The following TCF7L1 variants were observed in gnomAD, a reference collection of about 807,000 sequenced individuals.
The protein encoded by TCF7L1 is transcription factor 7-like 1.
In TCF7L1, 18 loss-of-function variants were observed where a neutral mutation model predicts 63.7. That is an observed-to-expected ratio of 0.28 (90% CI 0.20 to 0.42). The LOEUF (loss-of-function observed/expected upper bound fraction) is 0.42, where lower values mean the gene tolerates loss of function less well. Among genes scored for constraint, TCF7L1 ranks in the 10% least tolerant of loss-of-function variants. The pLI, the probability that TCF7L1 is intolerant of heterozygous loss-of-function variation, is 1.00. For synonymous variants in TCF7L1, 355 were observed against 340.9 expected (o/e 1.04, Z -0.46); for missense variants, 654 against 779.3 (o/e 0.84, Z 1.91).
chr2:85,145,708 A>C (rs1483733283), intron 3 of TCF7L1, among the ~76,000 whole-genome samples: 1 of 152,246 alleles, frequency 6.6e-6, no homozygotes, highest in Non-Finnish European at 1.5e-5. Flanking sequence ...GACCTGCCCA[A>C]GGGCAAACAA....
intron 3 of TCF7L1, among the ~76,000 whole-genome samples, chr2:85,221,975 C>T (rs989198983): frequency 2.0e-5 from 3 of 150,000 alleles, no homozygotes; most frequent in African/African-American, 7.4e-5. Flanking sequence ...GTTTCCTCCA[C>T]GAATAATACA....
chr2:85,261,617 C>T (rs1009959031), intron 3 of TCF7L1, among the ~76,000 whole-genome samples: 1 of 152,158 alleles, frequency 6.6e-6, no homozygotes, highest in Non-Finnish European at 1.5e-5. Flanking sequence ...AGAAGCCAAG[C>T]GTGGTGGCTC....
At chr2:85,294,397 A>G (rs1247702948) in intron 4 of TCF7L1, among the ~76,000 whole-genome samples, 1 of 152,132 alleles carries the variant, frequency 6.6e-6, no homozygotes, top group Non-Finnish European at 1.5e-5. Context: ...CACACTTTGC[A>G]GAGTTTGATT....
At chr2:85,188,186 A>G (rs1678968632) in intron 3 of TCF7L1, among the ~76,000 whole-genome samples, 1 of 152,194 alleles carries the variant, frequency 6.6e-6, no homozygotes, top group African/African-American at 2.4e-5. Context: ...ATCTGGTGGT[A>G]ATGGTACAGT....
intron 3 of TCF7L1, among the ~76,000 whole-genome samples, chr2:85,260,042 T>C (rs550103813): frequency 1.3e-5 from 2 of 152,278 alleles, no homozygotes; most frequent in South Asian, 4.1e-4. Flanking sequence ...TGCAGGCTTA[T>C]CTCCTTTCTC....
intron 3 of TCF7L1, among the ~76,000 whole-genome samples, chr2:85,153,340 AT>A (rs66697146): frequency 0.013 from 1,297 of 102,264 alleles, 58 homozygotes; most frequent in African/African-American, 0.048. Flanking sequence ...GCCTTTATAA[AT>A]TTTTTTTTTT....
chr2:85,301,266 C>T (rs912106227), intron 4 of TCF7L1, among the ~76,000 whole-genome samples: 1 of 152,086 alleles, frequency 6.6e-6, no homozygotes, highest in Non-Finnish European at 1.5e-5. Flanking sequence ...GATATGAATC[C>T]CAGCTCTGCC....
chr2:85,240,627 A>G (rs1206375139), intron 3 of TCF7L1, among the ~76,000 whole-genome samples: 1 of 151,720 alleles, frequency 6.6e-6, no homozygotes, highest in African/African-American at 2.4e-5. Context: ...CAAAAAAAAA[A>G]AAAAAATTAG....
At chr2:85,181,025 A>C (rs775925098) in intron 3 of TCF7L1, among the ~76,000 whole-genome samples, 2 of 152,198 alleles carry the variant, frequency 1.3e-5, no homozygotes, top group African/African-American at 2.4e-5. Context: ...TCTCCTCTGC[A>C]GTTCCTGAAG....
intron 3 of TCF7L1, among the ~76,000 whole-genome samples, chr2:85,189,759 G>T (rs1412227714): frequency 6.6e-6 from 1 of 152,222 alleles, no homozygotes; most frequent in Non-Finnish European, 1.5e-5. Context: ...CCCATTCAGG[G>T]GCATTCATGC....
At chr2:85,256,959 G>A (rs182044763) in intron 3 of TCF7L1, among the ~76,000 whole-genome samples, 48 of 151,212 alleles carry the variant, frequency 3.2e-4, no homozygotes, top group African/African-American at 1.0e-3. Flanking sequence ...CTCCAGCCTG[G>A]GTGACAGAGT....
chr2:85,203,146 A>G (rs926815191), intron 3 of TCF7L1, among the ~76,000 whole-genome samples: 1 of 151,798 alleles, frequency 6.6e-6, no homozygotes, highest in African/African-American at 2.4e-5. Context: ...GTACCTCCTA[A>G]CTCTTATGAA....
intron 3 of TCF7L1, among the ~76,000 whole-genome samples, chr2:85,202,897 C>T (rs1394631683): frequency 6.6e-6 from 1 of 152,010 alleles, no homozygotes; most frequent in African/African-American, 2.4e-5. Context: ...GCAGTGGTGC[C>T]ATCTAGGCTC....
chr2:85,277,029 C>T (rs934667038), intron 3 of TCF7L1, among the ~76,000 whole-genome samples: 4 of 151,932 alleles, frequency 2.6e-5, no homozygotes, highest in Non-Finnish European at 4.4e-5. Flanking sequence ...CAGCATGGTG[C>T]GTTCAGAGTG....
intron 3 of TCF7L1, among the ~76,000 whole-genome samples, chr2:85,170,979 G>C (rs1163143315): frequency 2.0e-5 from 3 of 152,182 alleles, no homozygotes; most frequent in African/African-American, 7.2e-5. Flanking sequence ...TAGACTTTGG[G>C]AAGGTGCCTG....
In TCF7L1 at chr2:85,222,436, A is replaced by G. The variant is rs937953230; in HGVS notation, c.442-61059A>G. 2.5e-4 allele frequency among the ~76,000 whole-genome samples: 38 copies of G among 151,370 alleles called. 1 individual carries two copies. The highest frequency in any genetic ancestry group is 7.0e-4 in the African/African-American group (29 of 41,232). ...TGTAATCCCAGCACTTTGGGAGGCCACGGTGTGGATTGCTTGAGCTCAGGA... is the reference window on the plus strand; with the variant it reads ...TGTAATCCCAGCACTTTGGGAGGCCGCGGTGTGGATTGCTTGAGCTCAGGA... On this transcript the variant is annotated intron_variant, in intron 3 of 11. Transcript: ENST00000282111.
At chr2:85,295,641 T>C (rs575404346) in intron 4 of TCF7L1, among the ~76,000 whole-genome samples, 6 of 152,170 alleles carry the variant, frequency 3.9e-5, no homozygotes, top group Non-Finnish European at 8.8e-5. Context: ...TTTTTTCTTT[T>C]CTGAAAAGTT....
chr2:85,304,427 G>T, intron 7 of TCF7L1, 89 bp downstream of exon 7: 1 of 1,379,978 alleles, frequency 7.2e-7, no homozygotes, highest in South Asian at 1.3e-5. Flanking sequence ...GCCAGTTAAT[G>T]AGCAGGCACA....
chr2:85,195,651 A>T (rs1008403477), intron 3 of TCF7L1, among the ~76,000 whole-genome samples: 2 of 151,666 alleles, frequency 1.3e-5, no homozygotes, highest in African/African-American at 2.4e-5. Context: ...GGCTCAGGAG[A>T]TCCTCTCACT....
Sources: allele counts gnomAD v4.1 joint callset (sites outside exome capture counted in the v4.1 genomes callset), GRCh38; gene constraint gnomAD v4.1.1; transcripts MANE v1.5; gene names NCBI Gene and HGNC (gene_info 2026-07-23, HGNC 2026-07-21).